Variants in SFMBT2 observed in about 807,000 individuals in gnomAD.
The protein encoded by SFMBT2 is scm-like with four MBT domains protein 2.
In SFMBT2, 38 loss-of-function variants were observed where a neutral mutation model predicts 110.1. The ratio of observed to expected loss-of-function variants is 0.35; its 90% CI spans 0.27 to 0.45. The LOEUF is 0.45. Ranked by LOEUF, SFMBT2 falls within the 20% of genes least tolerant of loss-of-function variation. SFMBT2 has a pLI of 1.00. For synonymous variants in SFMBT2, 425 were observed against 425.4 expected, an observed-to-expected ratio of 1.00 and a Z score of 0.01; for missense variants, 1,011 against 1,094.9, an observed-to-expected ratio of 0.92 and a Z score of 1.08.
intron 7 of SFMBT2, among the ~76,000 whole-genome samples, chr10:7,266,325 G>C (rs1841389666): frequency 9.1e-6 from 1 of 109,718 alleles, no homozygotes; most frequent in Non-Finnish European, 2.2e-5. Flanking sequence ...CCTGACCTCA[G>C]GTGATCCACC....
chr10:7,198,258 T>C (rs947993261), intron 14 of SFMBT2: 6 of 480,234 alleles, frequency 1.2e-5, no homozygotes, highest in Non-Finnish European at 1.6e-5. Context: ...TTTTTACTTC[T>C]TTGACTCTAT....
intron 4 of SFMBT2, among the ~76,000 whole-genome samples, chr10:7,323,382 C>T (rs113202339): frequency 0.08 from 10,926 of 136,970 alleles, 530 homozygotes; most frequent in Non-Finnish European, 0.11. Context: ...ACCCAGGAGG[C>T]GGAGGTTGCA....
intron 4 of SFMBT2, among the ~76,000 whole-genome samples, chr10:7,341,875 TGA>T (rs1364939273): frequency 6.6e-6 from 1 of 152,204 alleles, no homozygotes; most frequent in Admixed American, 6.5e-5. Context: ...TGGTTATGTT[TGA>T]GTTTCCCATA....
At chr10:7,267,865 G>C (rs1977429) in intron 7 of SFMBT2, among the ~76,000 whole-genome samples, 113,883 of 152,158 alleles carry the variant, frequency 0.75, 42,997 homozygotes, top group East Asian at 0.92. Flanking sequence ...CTGTGACAAG[G>C]TGTGGTCATG....
chr10:7,236,936 AAGAAAACCAC>A (rs1372963251), intron 9 of SFMBT2, among the ~76,000 whole-genome samples: 1 of 152,254 alleles, frequency 6.6e-6, no homozygotes, highest in Non-Finnish European at 1.5e-5. Context: ...TGGGCCGAAG[AAGAAAACCAC>A]AGATGGCCAG....
At chr10:7,361,724 A>AT (rs1303818384) in intron 4 of SFMBT2, among the ~76,000 whole-genome samples, 1 of 152,246 alleles carries the variant, frequency 6.6e-6, no homozygotes, top group Non-Finnish European at 1.5e-5. Flanking sequence ...AATTAGCAGC[A>AT]TGACTCCTAA....
intron 14 of SFMBT2, among the ~76,000 whole-genome samples, chr10:7,198,741 C>G (rs1256057273): frequency 6.6e-6 from 1 of 152,102 alleles, no homozygotes; most frequent in Non-Finnish European, 1.5e-5. Flanking sequence ...ATGATAAGAC[C>G]TCAATCTAAA....
intron 4 of SFMBT2, among the ~76,000 whole-genome samples, chr10:7,362,825 A>T (rs1488180772): frequency 1.3e-5 from 2 of 152,218 alleles, no homozygotes; most frequent in African/African-American, 2.4e-5. Context: ...AATCTGTTAA[A>T]CTGTCATCAC....
chr10:7,256,115 T>C (rs959845134), intron 7 of SFMBT2, among the ~76,000 whole-genome samples: 9 of 152,096 alleles, frequency 5.9e-5, no homozygotes, highest in Non-Finnish European at 7.4e-5. Flanking sequence ...ATCCCTCTTG[T>C]GGGAGGAAAT....
chr10:7,185,697 G>A (rs952787083), intron 16 of SFMBT2, among the ~76,000 whole-genome samples: 2 of 152,116 alleles, frequency 1.3e-5, no homozygotes, highest in African/African-American at 4.8e-5. Flanking sequence ...CTTCTGCCTG[G>A]CTTTTATAAA....
At chr10:7,175,337 C>T (rs1376850512) in intron 17 of SFMBT2, among the ~76,000 whole-genome samples, 8 of 152,192 alleles carry the variant, frequency 5.3e-5, no homozygotes, top group African/African-American at 9.7e-5. Flanking sequence ...TCAGGGGAAG[C>T]GGTTGCCCAA....
rs1837483564 is a variant in SFMBT2, at chr10:7,159,030, A to G, written c.*4740T>C. On this transcript the variant is annotated 3_prime_UTR_variant, in exon 21 of 21. Coordinates refer to ENST00000397167, the MANE Select transcript of SFMBT2 (RefSeq NM_001387889.1). ...CTGTCATTTAAAAAAATTTGCCTCAAATTTTTCATCCTAAGGTGATTTTTA... is the reference window on the plus strand; with the variant it reads ...CTGTCATTTAAAAAAATTTGCCTCAGATTTTTCATCCTAAGGTGATTTTTA... 6.6e-6 allele frequency: 1 copy of G among 152,182 alleles called. No homozygotes were observed. Among genetic ancestry groups the G allele is most frequent in the Admixed American group, 6.5e-5 (1 of 15,278 alleles). 9.4% of individuals were successfully genotyped at this position (152,182 alleles called of 1,614,324 possible).
At chr10:7,207,185 C>T (rs1026660890) in intron 11 of SFMBT2, among the ~76,000 whole-genome samples, 1 of 151,962 alleles carries the variant, frequency 6.6e-6, no homozygotes, top group South Asian at 2.1e-4. Flanking sequence ...CATGAAGACA[C>T]CTTGTCTCTA....
intron 1 of SFMBT2, among the ~76,000 whole-genome samples, chr10:7,404,043 C>G (rs1846149990): frequency 6.6e-6 from 1 of 152,122 alleles, no homozygotes; most frequent in Admixed American, 6.5e-5. Context: ...ACACTGTATG[C>G]TTGTATCGAA....
At chr10:7,324,257 CAT>C (rs1843300855) in intron 4 of SFMBT2, among the ~76,000 whole-genome samples, 1 of 152,196 alleles carries the variant, frequency 6.6e-6, no homozygotes, top group Admixed American at 6.5e-5. Flanking sequence ...CACACACACA[CAT>C]TTTTTCTAGT....
chr10:7,308,835 T>G (rs544119804), intron 4 of SFMBT2, among the ~76,000 whole-genome samples: 1 of 152,218 alleles, frequency 6.6e-6, no homozygotes, highest in South Asian at 2.1e-4. Context: ...GCCTGCACAG[T>G]AAACAATCAA....
At chr10:7,282,357 T>C (rs929685501) in intron 6 of SFMBT2, among the ~76,000 whole-genome samples, 2 of 152,214 alleles carry the variant, frequency 1.3e-5, no homozygotes, top group Non-Finnish European at 2.9e-5. Flanking sequence ...CCACTAGTCA[T>C]CCTTTGCTTT....
chr10:7,400,116 A>C (rs528124984), intron 1 of SFMBT2, among the ~76,000 whole-genome samples: 7 of 152,174 alleles, frequency 4.6e-5, no homozygotes, highest in Non-Finnish European at 7.3e-5. Context: ...AATGGGCAGG[A>C]GAACCTGAAA....
chr10:7,365,927 T>C (rs892945905), intron 4 of SFMBT2, among the ~76,000 whole-genome samples: 4 of 152,212 alleles, frequency 2.6e-5, no homozygotes, highest in African/African-American at 9.6e-5. Context: ...AAAAAATCAC[T>C]GAACTGTACA....
Sources: allele counts gnomAD v4.1 joint callset (sites outside exome capture counted in the v4.1 genomes callset), GRCh38; gene constraint gnomAD v4.1.1; transcripts MANE v1.5; gene names NCBI Gene and HGNC (gene_info 2026-07-23, HGNC 2026-07-21).